THAP9: variants seen among roughly 807,000 people sequenced by gnomAD.
THAP9 encodes the protein THAP domain containing 9, also known as DNA transposase THAP9.
Under a neutral mutation model 35.7 loss-of-function variants are expected in THAP9, and 20 were observed. The ratio of observed to expected loss-of-function variants is 0.56; its 90% CI spans 0.39 to 0.81. THAP9 has a LOEUF of 0.81. Ranked by LOEUF, THAP9 falls within the 40% of genes least tolerant of loss-of-function variation. THAP9 has a pLI of 0.00. For missense variants in THAP9, 870 were observed against 1,047.4 expected, an observed-to-expected ratio of 0.83 and a Z score of 2.34; for synonymous variants, 335 against 373.7, an observed-to-expected ratio of 0.90 and a Z score of 1.19.
intron 4 of THAP9, among the ~76,000 whole-genome samples, chr4:82,908,167 T>C (rs1257660907): frequency 6.6e-6 from 1 of 152,200 alleles, no homozygotes; most frequent in Non-Finnish European, 1.5e-5. Flanking sequence ...TAGGTAGTAT[T>C]TGCCAATTAT....
At position 82,902,550 on chromosome 4, in the gene THAP9, G is replaced by A. The variant is rs77470375; in HGVS notation, c.80+1668G>A. On this transcript the variant is annotated intron_variant, in intron 1 of 4. Coordinates refer to ENST00000302236, the MANE Select transcript of THAP9 (RefSeq NM_024672.6). ...GGGAAGCTTTGCATCAGAGGACCACGCTAGTAATAGAAGTTGTTGGACCAG... is the reference window on the plus strand; with the variant it reads ...GGGAAGCTTTGCATCAGAGGACCACACTAGTAATAGAAGTTGTTGGACCAG... 1.8e-3 allele frequency among the ~76,000 whole-genome samples: 268 copies of A among 152,204 alleles called. 4 individuals are homozygous for A. In the East Asian group the frequency reaches 0.046, roughly 26 times the overall value.
intron 4 of THAP9, among the ~76,000 whole-genome samples, chr4:82,916,232 A>C (rs1258296101): frequency 6.6e-6 from 1 of 152,242 alleles, no homozygotes; most frequent in Non-Finnish European, 1.5e-5. Context: ...ATCTATAACA[A>C]GTTAGAAAGA....
At chr4:82,908,009 C>A in intron 4 of THAP9, 74 bp downstream of exon 4, 2 of 1,400,434 alleles carry the variant, frequency 1.4e-6, no homozygotes, top group South Asian at 1.2e-5. Context: ...ATGTTAATTA[C>A]TCTTTAGATG....
chr4:82,916,965 C>T lies in THAP9; in HGVS notation c.753C>T (p.Pro251=). 6.5e-7 allele frequency: 1 copy of T among 1,529,284 alleles called. No individual in the cohort carries two copies. Among genetic ancestry groups the T allele is most frequent in the South Asian group, 1.3e-5 (1 of 75,204 alleles). The allele number at this position is 1,529,284 out of a possible 1,614,324, so 94.7% of individuals were successfully genotyped here. Residue 251 remains proline, a synonymous_variant, in exon 5 of 5, where the codon CCC becomes CCT. Transcript: ENST00000302236. Reference sequence around the variant, plus strand: ...CTAGGTGGTTATCCAAATGCCAACCCAGTCCAGGTTTCAACAGCAACATTT... The same window carrying T: ...CTAGGTGGTTATCCAAATGCCAACCTAGTCCAGGTTTCAACAGCAACATTT... ...ILRTWLSKCQ[P]SPGFNSNIFS...
Position 82,918,250 on chromosome 4 carries a change from G to T in THAP9, c.2038G>T (p.Val680Phe). ...ALWTVQRQYG[V>F]SVTKTVFHEE... ...TTGGACAGTTCAACGTCAGTATGGT[G>T]TCAGCGTTACAAAGACTGTCTTTCA... The change falls in exon 5 of 5, where the codon GTC becomes TTC. Residue 680 changes from valine (V) to phenylalanine (F), a missense_variant. By Grantham distance (50) the Val-to-Phe change is conservative. Transcript: ENST00000302236. 6.2e-7 allele frequency: 1 copy of T among 1,614,206 alleles called. No individual in the cohort carries two copies. Among genetic ancestry groups the T allele is most frequent in the East Asian group, 2.2e-5 (1 of 44,884 alleles).
At chr4:82,901,580 G>A (rs1018766676) in intron 1 of THAP9, among the ~76,000 whole-genome samples, 7 of 152,092 alleles carry the variant, frequency 4.6e-5, no homozygotes, top group African/African-American at 1.7e-4. Context: ...GGAATGGCAT[G>A]GGAAAATGTA....
At chr4:82,916,622 C>T (rs1046603109) in intron 4 of THAP9, among the ~76,000 whole-genome samples, 3 of 152,182 alleles carry the variant, frequency 2.0e-5, no homozygotes, top group Non-Finnish European at 4.4e-5. Flanking sequence ...AGTGAATTTA[C>T]AGGTAAGACT....
chr4:82,911,206 G>C (rs1163138309), intron 4 of THAP9, among the ~76,000 whole-genome samples: 3 of 152,174 alleles, frequency 2.0e-5, no homozygotes, highest in Admixed American at 6.5e-5. Flanking sequence ...TATTGGGACA[G>C]TTCATCCATT....
intron 1 of THAP9, 95 bp downstream of exon 1, chr4:82,900,977 C>A: frequency 7.0e-7 from 1 of 1,437,418 alleles, no homozygotes; most frequent in Non-Finnish European, 9.6e-7. Context: ...CACTGTGGGT[C>A]GCGCCGCGTG....
rs138607816 is a variant in THAP9 at position 82,918,433 on chromosome 4, G to A, written c.2221G>A (p.Ala741Thr). ...TGAGGACTGCATCACTGCACTGTAT[G>A]CATCGGATCTCAAAGCCTCTAAAAT... ...TCEDCITALY[A>T]SDLKASKIGS... Residue 741 changes from alanine to threonine, a missense_variant, in exon 5 of 5, where the codon GCA becomes ACA. Coordinates refer to ENST00000302236, the MANE Select transcript of THAP9 (RefSeq NM_024672.6). 22 of 1,614,038 alleles carry A rather than the reference G, an allele frequency of 1.4e-5. No homozygotes were observed. In the East Asian group the frequency reaches 4.2e-4, roughly 31 times the overall value.
At position 82,917,841 on chromosome 4, in the gene THAP9, A is replaced by G; in HGVS notation, c.1629A>G (p.Ile543Met). The G allele has an allele frequency of 1.2e-6, 2 of 1,613,552 alleles. No homozygotes were observed. Among genetic ancestry groups the G allele is most frequent in the Non-Finnish European group, 1.7e-6 (2 of 1,179,936 alleles). Residue 543 changes from isoleucine (I) to methionine (M), a missense_variant, in exon 5 of 5, where the codon ATA becomes ATG. Ile to Met is a conservative substitution (Grantham distance 10). Transcript: ENST00000302236. ...GPLLPETYSK[I>M]NHVLIEAKTI... ...TGTTGCCTGAAACTTACAGTAAAATAAACCACGTGTTAATTGAAGCCAAGA... is the reference window on the plus strand; with the variant it reads ...TGTTGCCTGAAACTTACAGTAAAATGAACCACGTGTTAATTGAAGCCAAGA...
chr4:82,902,751 T>A (rs188150749), intron 1 of THAP9, among the ~76,000 whole-genome samples: 8 of 152,342 alleles, frequency 5.3e-5, no homozygotes, highest in African/African-American at 7.2e-5. Context: ...TATCATCATC[T>A]TCTTAGAACA....
chr4:82,901,710 ATT>A lies in THAP9; in HGVS notation c.80+842_80+843del, dbSNP rs34317153. ...GGTAGGCTATGTATAAAATTCATTGATTTTTTTTTTTTTTTGTTTTCTATTTT... is the reference window on the plus strand; with the variant it reads ...GGTAGGCTATGTATAAAATTCATTGATTTTTTTTTTTTTGTTTTCTATTTT... On this transcript the variant is annotated intron_variant, in intron 1 of 4. Coordinates refer to ENST00000302236, the MANE Select transcript of THAP9 (RefSeq NM_024672.6). 2.8e-3 allele frequency among the ~76,000 whole-genome samples: 420 copies of A among 148,926 alleles called. 1 individual carries two copies. The highest frequency in any genetic ancestry group is 0.015 in the South Asian group (69 of 4,756).
chr4:82,902,693 C>T (rs1223666452), intron 1 of THAP9, among the ~76,000 whole-genome samples: 2 of 152,242 alleles, frequency 1.3e-5, no homozygotes, highest in East Asian at 3.9e-4. Context: ...TAGATTTGCC[C>T]CAACTTTATT....
At chr4:82,901,993 T>C (rs1187469007) in intron 1 of THAP9, among the ~76,000 whole-genome samples, 2 of 152,112 alleles carry the variant, frequency 1.3e-5, no homozygotes, top group Non-Finnish European at 2.9e-5. Context: ...TTATAGCATA[T>C]GTAACGCACA....
chr4:82,911,964 T>G (rs1720881251), intron 4 of THAP9, among the ~76,000 whole-genome samples: 1 of 152,224 alleles, frequency 6.6e-6, no homozygotes, highest in South Asian at 2.1e-4. Context: ...TTAAATTTTT[T>G]TAAAACCCTT....
intron 4 of THAP9, among the ~76,000 whole-genome samples, chr4:82,911,548 T>C (rs762011787): frequency 1.1e-4 from 17 of 152,036 alleles, no homozygotes; most frequent in Non-Finnish European, 2.5e-4. Context: ...GAGCCGAGAT[T>C]GCACCACTGC....
intron 1 of THAP9, 111 bp from the exon 2 acceptor site, chr4:82,904,625 C>A: frequency 1.0e-6 from 1 of 970,508 alleles, no homozygotes; most frequent in Non-Finnish European, 1.5e-6. Flanking sequence ...ATTCACTTGG[C>A]TTTATGTTTC....
rs1721051124 is a variant in THAP9 at position 82,916,975 on chromosome 4, T to C, written c.763T>C (p.Phe255Leu). 2 of 1,541,568 alleles carry C rather than the reference T, an allele frequency of 1.3e-6. No individual in the cohort carries two copies. The highest frequency in any genetic ancestry group is 2.8e-5 in the African/African-American group (2 of 72,608). Residue 255 changes from phenylalanine to leucine, a missense_variant, in exon 5 of 5, where the codon TTC (phenylalanine) becomes CTC (leucine). Transcript: ENST00000302236. ...WLSKCQPSPG[F>L]NSNIFSFLQR... ...ATCCAAATGCCAACCCAGTCCAGGT[T>C]TCAACAGCAACATTTTTTCTTTTCT...
Sources: allele counts gnomAD v4.1 joint callset (sites outside exome capture counted in the v4.1 genomes callset), GRCh38; gene constraint gnomAD v4.1.1; transcripts MANE v1.5; gene names NCBI Gene and HGNC (gene_info 2026-07-23, HGNC 2026-07-21).